The following NXPE4 variants were observed in gnomAD, a reference collection of about 807,000 sequenced individuals.
NXPE4 encodes NXPE family member 4.
Under a neutral mutation model 33.3 loss-of-function variants are expected in NXPE4, and 42 were observed. The ratio of observed to expected loss-of-function variants is 1.26; its 90% CI spans 0.98 to 1.63. The LOEUF is 1.63. Ranked by LOEUF, NXPE4 falls within the 40% of genes most tolerant of loss-of-function variation. The pLI is 0.00. For missense variants in NXPE4, 709 were observed against 647.6 expected, an observed-to-expected ratio of 1.09 and a Z score of -1.03; for synonymous variants, 253 against 234.9, an observed-to-expected ratio of 1.08 and a Z score of -0.71.
chr11:114,584,754 C>T (rs1949250609), intron 2 of NXPE4: 1 of 152,690 alleles, frequency 6.5e-6, no homozygotes, highest in Non-Finnish European at 1.5e-5. Context: ...CTCCCAAACC[C>T]TCAGATTTTA....
chr11:114,639,130 C>A, the NXPE4 span, among the ~76,000 whole-genome samples: 9 of 152,094 alleles, frequency 5.9e-5, no homozygotes, highest in African/African-American at 1.9e-4. Flanking sequence ...CCAGTTCGAG[C>A]TTCCCGGCTG....
the NXPE4 span, among the ~76,000 whole-genome samples, chr11:114,625,830 A>C: frequency 6.6e-6 from 1 of 152,132 alleles, no homozygotes; most frequent in Non-Finnish European, 1.5e-5. Flanking sequence ...ACCACGTGCA[A>C]GCTGAAGCAT....
chr11:114,596,141 T>G (rs769749642), upstream of NXPE4, among the ~76,000 whole-genome samples: 1 of 152,184 alleles, frequency 6.6e-6, no homozygotes, highest in Non-Finnish European at 1.5e-5. Flanking sequence ...AGGATTCAAG[T>G]GCGTATTATC....
At chr11:114,615,477 G>A in the NXPE4 span, among the ~76,000 whole-genome samples, 11 of 150,702 alleles carry the variant, frequency 7.3e-5, no homozygotes, top group Admixed American at 4.0e-4. Context: ...GTATTGCTTC[G>A]TGGGTAACCA....
At chr11:114,656,348 T>A in the NXPE4 span, among the ~76,000 whole-genome samples, 1 of 152,128 alleles carries the variant, frequency 6.6e-6, no homozygotes, top group Non-Finnish European at 1.5e-5. Flanking sequence ...AAAATGACCA[T>A]ACTGCCCAAA....
intron 5 of NXPE4, among the ~76,000 whole-genome samples, chr11:114,575,519 A>G (rs1168643712): frequency 3.9e-5 from 6 of 152,130 alleles, no homozygotes; most frequent in Non-Finnish European, 8.8e-5. Flanking sequence ...TAATATACAC[A>G]AATCAGTAGC....
the NXPE4 span, among the ~76,000 whole-genome samples, chr11:114,663,274 A>G: frequency 6.6e-6 from 1 of 152,322 alleles, no homozygotes; most frequent in South Asian, 2.1e-4. Context: ...ACTCAGCCGC[A>G]GTACAGTAGA....
chr11:114,575,157 A>G (rs1948968926), intron 5 of NXPE4, among the ~76,000 whole-genome samples: 1 of 152,118 alleles, frequency 6.6e-6, no homozygotes, highest in African/African-American at 2.4e-5. Context: ...TAGGATTAAA[A>G]CCCTCAGCAA....
chr11:114,660,357 C>T, the NXPE4 span, among the ~76,000 whole-genome samples: 11 of 151,920 alleles, frequency 7.2e-5, no homozygotes, highest in Non-Finnish European at 1.0e-4. Flanking sequence ...GGCAAACATC[C>T]TCAACAAAGT....
the NXPE4 span, among the ~76,000 whole-genome samples, chr11:114,655,143 A>G: frequency 6.6e-6 from 1 of 152,086 alleles, no homozygotes; most frequent in Non-Finnish European, 1.5e-5. Context: ...GTGTCTGTTC[A>G]TATCCTTTGC....
At chr11:114,639,873 A>T in the NXPE4 span, among the ~76,000 whole-genome samples, 2 of 54,818 alleles carry the variant, frequency 3.6e-5, no homozygotes, top group African/African-American at 1.9e-4. Flanking sequence ...ATTTTATATT[A>T]AATATAAAAT....
the NXPE4 span, among the ~76,000 whole-genome samples, chr11:114,608,098 G>A: frequency 4.7e-4 from 71 of 151,860 alleles, no homozygotes; most frequent in East Asian, 1.6e-3. Context: ...GTGTTGCCTC[G>A]TGGGTAACCA....
At chr11:114,627,276 C>T in the NXPE4 span, among the ~76,000 whole-genome samples, 4 of 151,952 alleles carry the variant, frequency 2.6e-5, no homozygotes, top group African/African-American at 7.2e-5. Context: ...AGAGAAAGGT[C>T]GGGTTACCCT....
chr11:114,619,314 G>C, the NXPE4 span, among the ~76,000 whole-genome samples: 1 of 150,328 alleles, frequency 6.7e-6, no homozygotes, highest in Non-Finnish European at 1.5e-5. Context: ...ACTGTTCCCC[G>C]CTGGATAATA....
At chr11:114,582,169 C>A in intron 3 of NXPE4, 119 bp downstream of exon 3, 2 of 1,063,572 alleles carry the variant, frequency 1.9e-6, no homozygotes, top group Non-Finnish European at 1.3e-6. Context: ...GATCCTTTCC[C>A]CAAAGGCTCT....
At chr11:114,588,172 T>A (rs1289200960) in intron 2 of NXPE4, among the ~76,000 whole-genome samples, 5 of 152,112 alleles carry the variant, frequency 3.3e-5, no homozygotes, top group Non-Finnish European at 7.4e-5. Context: ...TCCAGGCCCT[T>A]CTTGTCCTCC....
At chr11:114,677,027 T>C in the NXPE4 span, among the ~76,000 whole-genome samples, 2 of 151,996 alleles carry the variant, frequency 1.3e-5, no homozygotes, top group Non-Finnish European at 2.9e-5. Flanking sequence ...CACGGAAAGA[T>C]AACTATTGCA....
At chr11:114,675,887 G>A in the NXPE4 span, among the ~76,000 whole-genome samples, 10 of 151,852 alleles carry the variant, frequency 6.6e-5, no homozygotes, top group Non-Finnish European at 1.3e-4. Context: ...CATGGTATGG[G>A]CATAAAAACA....
At chr11:114,580,580 GA>G (rs35214103) in intron 4 of NXPE4, among the ~76,000 whole-genome samples, 2 of 151,542 alleles carry the variant, frequency 1.3e-5, no homozygotes, top group African/African-American at 2.4e-5. Context: ...TTTCTTCCCA[GA>G]AAAAAAATGG....
Sources: gnomAD v4.1 joint callset for allele counts (sites outside exome capture counted in the v4.1 genomes callset) on GRCh38, gnomAD v4.1.1 for gene constraint, MANE v1.5 for transcripts, NCBI Gene and HGNC (gene_info 2026-07-23, HGNC 2026-07-21) for gene names.